Variants in VPS13A observed in about 807,000 individuals in gnomAD.
The protein encoded by VPS13A is intermembrane lipid transfer protein VPS13A.
VPS13A carries 264 observed loss-of-function variants against 390.9 expected under a neutral mutation model. The ratio of observed to expected loss-of-function variants is 0.68; its 90% CI spans 0.61 to 0.75. The LOEUF (loss-of-function observed/expected upper bound fraction) is 0.75. VPS13A is among the 30% of genes least tolerant of loss of function. VPS13A has a pLI of 0.00. For synonymous variants in VPS13A, 1,231 were observed against 1,227.1 expected, an observed-to-expected ratio of 1.00 and a Z score of -0.07; for missense variants, 3,409 against 3,733.9, an observed-to-expected ratio of 0.91 and a Z score of 2.27.
At chr9:77,367,679 C>CAAT (rs1412987873) in intron 61 of VPS13A, among the ~76,000 whole-genome samples, 1 of 152,156 alleles carries the variant, frequency 6.6e-6, no homozygotes, top group Non-Finnish European at 1.5e-5. Flanking sequence ...CCTGGCCATT[C>CAAT]GTGAGCAACC....
At chr9:77,204,195 C>A (rs1173900745) in intron 3 of VPS13A, among the ~76,000 whole-genome samples, 1 of 152,140 alleles carries the variant, frequency 6.6e-6, no homozygotes, top group Non-Finnish European at 1.5e-5. Context: ...GTTTTAGCAA[C>A]ATAGTATATT....
intron 34 of VPS13A, chr9:77,305,422 A>G (rs1828679571): frequency 6.6e-6 from 1 of 152,094 alleles, no homozygotes; most frequent in South Asian, 2.1e-4. Context: ...AAACTCATAA[A>G]ACATATAGAA....
intron 68 of VPS13A, chr9:77,390,191 A>G: frequency 9.6e-6 from 8 of 830,708 alleles, no homozygotes; most frequent in Non-Finnish European, 1.2e-5. Flanking sequence ...TTCACTCTTC[A>G]TTTTATAGCT....
At chr9:77,395,537 G>T (rs1018538978) in intron 68 of VPS13A, among the ~76,000 whole-genome samples, 1 of 152,202 alleles carries the variant, frequency 6.6e-6, no homozygotes, top group Non-Finnish European at 1.5e-5. Flanking sequence ...AGCATGTGCT[G>T]TTGGACAAAT....
At chr9:77,396,096 C>CGGTA (rs199977487) in intron 68 of VPS13A, among the ~76,000 whole-genome samples, 2,329 of 152,236 alleles carry the variant, frequency 0.015, 53 homozygotes, top group African/African-American at 0.053. Context: ...ACCTACATTA[C>CGGTA]CCTTGATGCT....
At chr9:77,295,185 TA>T (rs1429677172) in intron 32 of VPS13A, among the ~76,000 whole-genome samples, 1 of 152,102 alleles carries the variant, frequency 6.6e-6, no homozygotes, top group Non-Finnish European at 1.5e-5. Flanking sequence ...TTTATTTATT[TA>T]TTTACCTTAC....
intron 33 of VPS13A, 79 bp downstream of exon 33, chr9:77,295,925 T>C (rs1827970447): frequency 7.3e-7 from 1 of 1,373,742 alleles, no homozygotes; most frequent in African/African-American, 1.4e-5. Flanking sequence ...TTGAGTAGTC[T>C]GTTTACAGTG....
intron 52 of VPS13A, among the ~76,000 whole-genome samples, chr9:77,346,052 T>C (rs1175891532): frequency 6.6e-6 from 1 of 152,214 alleles, no homozygotes; most frequent in Non-Finnish European, 1.5e-5. Flanking sequence ...GATTGCTGGA[T>C]CAAATGATAG....
intron 26 of VPS13A, among the ~76,000 whole-genome samples, chr9:77,276,845 T>C (rs1826705780): frequency 6.6e-6 from 1 of 152,204 alleles, no homozygotes; most frequent in Admixed American, 6.5e-5. Context: ...TGTGTTTTGC[T>C]TCCACTCTTA....
At chr9:77,374,550 TA>T (rs991946712) in intron 67 of VPS13A, among the ~76,000 whole-genome samples, 1 of 152,158 alleles carries the variant, frequency 6.6e-6, no homozygotes, top group African/African-American at 2.4e-5. Flanking sequence ...GCATGCAATT[TA>T]AAATGTAGGG....
chr9:77,206,556 C>T (rs1202198724), intron 5 of VPS13A, among the ~76,000 whole-genome samples: 1 of 152,040 alleles, frequency 6.6e-6, no homozygotes, highest in Non-Finnish European at 1.5e-5. Context: ...TCCAATTAAA[C>T]TTAGACAATA....
At chr9:77,295,951 A>G in intron 33 of VPS13A, 105 bp downstream of exon 33, 1 of 1,159,752 alleles carries the variant, frequency 8.6e-7, no homozygotes. Context: ...TTATTTTATT[A>G]ATTATACATA....
At chr9:77,363,952 G>T (rs1157600663) in intron 59 of VPS13A, among the ~76,000 whole-genome samples, 1 of 152,114 alleles carries the variant, frequency 6.6e-6, no homozygotes, top group African/African-American at 2.4e-5. Context: ...CCCAGTTTAG[G>T]AGCTGAGCAC....
intron 44 of VPS13A, among the ~76,000 whole-genome samples, chr9:77,322,269 TC>T (rs1829791356): frequency 6.6e-6 from 1 of 151,866 alleles, no homozygotes; most frequent in Non-Finnish European, 1.5e-5. Context: ...CAAAAGTTTT[TC>T]ATTTTTATTG....
intron 26 of VPS13A, among the ~76,000 whole-genome samples, chr9:77,278,117 C>T (rs1047208164): frequency 2.0e-5 from 3 of 152,106 alleles, no homozygotes; most frequent in Admixed American, 6.5e-5. Flanking sequence ...GTTGCCCAGG[C>T]TGGAGTGCAG....
rs1827066575 is a variant in VPS13A at position 77,282,182 on chromosome 9, A to G, written c.3026A>G (p.Tyr1009Cys). 5.6e-6 allele frequency: 9 copies of G among 1,613,380 alleles called. No homozygotes were observed. In the South Asian group the frequency reaches 9.9e-5, roughly 18 times the overall value. ...HTEALLNTIN[Y>C]LHNILPQSEE... is the part of the protein sequence containing the mutation. ...GAAGCACTTCTGAATACAATAAATTATCTTCATAATATCCTTCCGCAATCA... is the reference window on the plus strand; with the variant it reads ...GAAGCACTTCTGAATACAATAAATTGTCTTCATAATATCCTTCCGCAATCA... Residue 1009 changes from tyrosine to cysteine, a missense_variant, in exon 29 of 72, where the codon TAT (tyrosine) becomes TGT (cysteine). Around this residue, in one of 5 missense-constraint regions of VPS13A, gnomAD observed 2,717 missense variants for 2,917.4 expected, o/e 0.93. Coordinates refer to ENST00000360280, the MANE Select transcript of VPS13A (RefSeq NM_033305.3).
At chr9:77,235,978 A>G (rs558591712) in intron 17 of VPS13A, among the ~76,000 whole-genome samples, 9 of 152,338 alleles carry the variant, frequency 5.9e-5, no homozygotes, top group Admixed American at 2.6e-4. Flanking sequence ...AATAAATTAC[A>G]TAAGCTATTT....
chr9:77,216,362 C>G (rs1397506058), intron 10 of VPS13A, among the ~76,000 whole-genome samples: 1 of 152,004 alleles, frequency 6.6e-6, no homozygotes, highest in Non-Finnish European at 1.5e-5. Context: ...TATATTTAAT[C>G]AGGGAGATGA....
At chr9:77,294,502 A>T (rs1316696776) in intron 32 of VPS13A, among the ~76,000 whole-genome samples, 1 of 152,236 alleles carries the variant, frequency 6.6e-6, no homozygotes, top group East Asian at 1.9e-4. Flanking sequence ...TGGAATAAAT[A>T]GGCCAAGTGT....
Sources: gnomAD v4.1 joint callset for allele counts (sites outside exome capture counted in the v4.1 genomes callset) on GRCh38, gnomAD v4.1.1 for gene constraint, gnomAD v4.1.1 regional missense constraint, MANE v1.5 for transcripts, NCBI Gene and HGNC (gene_info 2026-07-23, HGNC 2026-07-21) for gene names.